ZNF793: variants seen among roughly 807,000 people sequenced by gnomAD.
ZNF793 encodes zinc finger protein 793.
A neutral mutation model predicts 12.4 loss-of-function variants in ZNF793; 5 were observed. That is an observed-to-expected ratio of 0.40 (90% CI 0.21 to 0.84). The LOEUF (loss-of-function observed/expected upper bound fraction) is 0.84. ZNF793 is among the 40% of genes least tolerant of loss of function. The probability of loss-of-function intolerance (pLI) is 0.35; values close to 1 mark genes in which losing one functional copy is unlikely to be tolerated. For missense variants in ZNF793, 456 were observed against 495.0 expected (o/e 0.92, Z 0.75); for synonymous variants, 162 against 172.4 (o/e 0.94, Z 0.47).
rs2042356487 is a variant in ZNF793 at position 37,519,160 on chromosome 19, G to A, written c.-275-1024G>A. Among the ~76,000 whole-genome samples, 4 of 152,254 alleles carry A rather than the reference G, an allele frequency of 2.6e-5. No homozygotes were observed. In the South Asian group the frequency reaches 8.3e-4, roughly 32 times the overall value. ...AGGTGCCTGTAGTCCCAGCTACTCG[G>A]GAGGCTGAGGCAGGAGAATGGCGTG... On this transcript the variant is annotated intron_variant, in intron 2 of 7. Transcript: ENST00000627814.
chr19:37,533,818 G>A (rs962179147), intron 7 of ZNF793: 11 of 344,940 alleles, frequency 3.2e-5, no homozygotes, highest in Non-Finnish European at 4.7e-5. Flanking sequence ...AGAGGAAGCA[G>A]TGAATTCCAT....
At chr19:37,520,133 GT>G (rs2042363933) in intron 2 of ZNF793, 50 bp from the exon 3 acceptor site, 1 of 152,716 alleles carries the variant, frequency 6.5e-6, no homozygotes, top group Non-Finnish European at 1.5e-5. Flanking sequence ...CCCAGGCAGT[GT>G]TTGGGGAAGG....
At chr19:37,536,144 G>C (rs73930999) in intron 7 of ZNF793, 15,174 of 267,146 alleles carry the variant, frequency 0.057, 649 homozygotes, top group African/African-American at 0.13. Flanking sequence ...AAGAACTCTT[G>C]CTTAAGTCCT....
chr19:37,523,533 T>C (rs1369952514), intron 5 of ZNF793, 79 bp downstream of exon 5: 7 of 1,389,196 alleles, frequency 5.0e-6, no homozygotes, highest in Admixed American at 1.7e-5. Flanking sequence ...GCATTGTAAG[T>C]ATGTACAGTT....
At chr19:37,531,880 G>A (rs950853774) in intron 5 of ZNF793, among the ~76,000 whole-genome samples, 2 of 152,154 alleles carry the variant, frequency 1.3e-5, no homozygotes, top group African/African-American at 4.8e-5. Context: ...GATGGCAATG[G>A]TAGATAGCTT....
chr19:37,519,222 T>C (rs1464542798), intron 2 of ZNF793, among the ~76,000 whole-genome samples: 2 of 152,102 alleles, frequency 1.3e-5, no homozygotes, highest in Non-Finnish European at 2.9e-5. Context: ...GCTGAGATCA[T>C]GCCACTGCAC....
chr19:37,511,018 G>A (rs767090525), intron 2 of ZNF793, among the ~76,000 whole-genome samples: 5 of 151,930 alleles, frequency 3.3e-5, no homozygotes, highest in Non-Finnish European at 7.4e-5. Flanking sequence ...TAAAAAAATT[G>A]AGGCATAATA....
rs1196551610 is a variant in ZNF793, at chr19:37,538,988, G to T, written c.*1109G>T. On this transcript the variant is annotated 3_prime_UTR_variant, in exon 8 of 8. Coordinates refer to ENST00000627814, the MANE Select transcript of ZNF793 (RefSeq NM_001013659.3). ...ACAACATGGCCCACTATTGTTAAAA[G>T]AACTTTATTATACCAGCTACATTTT... 1 of 152,126 alleles carries T rather than the reference G, an allele frequency of 6.6e-6. No individual in the cohort carries two copies. Among genetic ancestry groups the T allele is most frequent in the Non-Finnish European group, 1.5e-5 (1 of 68,004 alleles). The allele number at this position is 152,126 out of a possible 1,614,324, so 9.4% of individuals were successfully genotyped here. A position where few individuals can be genotyped will look rare whatever the true frequency, so the allele number is the denominator to read the frequency against.
At chr19:37,517,775 T>G (rs576207532) in intron 2 of ZNF793, among the ~76,000 whole-genome samples, 86 of 152,254 alleles carry the variant, frequency 5.6e-4, no homozygotes, top group Middle Eastern at 3.4e-3. Context: ...TTTTTTCTAT[T>G]TCTATCAGTT....
intron 5 of ZNF793, among the ~76,000 whole-genome samples, chr19:37,526,719 T>G (rs116749778): frequency 6.6e-6 from 1 of 152,170 alleles, no homozygotes; most frequent in Non-Finnish European, 1.5e-5. Context: ...CTACTACTGC[T>G]CAGGTGCTGC....
At chr19:37,516,282 G>A (rs1215574169) in intron 2 of ZNF793, among the ~76,000 whole-genome samples, 1 of 152,116 alleles carries the variant, frequency 6.6e-6, no homozygotes, top group Non-Finnish European at 1.5e-5. Flanking sequence ...TTACAGGCAT[G>A]TGCTGCTACA....
chr19:37,510,750 G>C (rs1290846325), intron 2 of ZNF793, among the ~76,000 whole-genome samples: 3 of 150,420 alleles, frequency 2.0e-5, no homozygotes, highest in Non-Finnish European at 4.4e-5. Flanking sequence ...AGGCTGGAGT[G>C]CAGTGGCACG....
chr19:37,529,207 A>T (rs1407747511), intron 5 of ZNF793, among the ~76,000 whole-genome samples: 1 of 152,148 alleles, frequency 6.6e-6, no homozygotes, highest in East Asian at 1.9e-4. Flanking sequence ...ATTTATGGGC[A>T]TATGTTTTGG....
At chr19:37,520,979 A>G (rs1210416617) in intron 3 of ZNF793, among the ~76,000 whole-genome samples, 1 of 149,600 alleles carries the variant, frequency 6.7e-6, no homozygotes, top group Non-Finnish European at 1.5e-5. Context: ...ATGCACCACC[A>G]TGCCCGGCTA....
chr19:37,525,633 C>T (rs1345545560), intron 5 of ZNF793, among the ~76,000 whole-genome samples: 4 of 131,442 alleles, frequency 3.0e-5, no homozygotes, highest in Non-Finnish European at 4.9e-5. Flanking sequence ...GACAGGGTTT[C>T]GATGGTCTCG....
chr19:37,525,295 T>C (rs1017316387), intron 5 of ZNF793, among the ~76,000 whole-genome samples: 4 of 146,374 alleles, frequency 2.7e-5, no homozygotes, highest in African/African-American at 7.6e-5. Flanking sequence ...CCTGCCACCA[T>C]GCCCGGCTAA....
At position 37,523,091 on chromosome 19, in the gene ZNF793, G is replaced by A. The variant is rs991321554; in HGVS notation, c.-30-319G>A. Among the ~76,000 whole-genome samples, 6 of 152,252 alleles carry A rather than the reference G, an allele frequency of 3.9e-5. No individual in the cohort carries two copies. In the South Asian group the frequency reaches 1.2e-3, roughly 32 times the overall value. ...GGCCAGATTGCAGTAGTGGGATCAT[G>A]GCTCACTGCAGCTTTGACCTCCTAG... On this transcript the variant is annotated intron_variant, in intron 4 of 7. Transcript: ENST00000627814.
Position 37,542,458 on chromosome 19 carries a change from C to T in ZNF793, c.*4579C>T, listed in dbSNP as rs1246763610. 1 of 415,364 alleles carries T rather than the reference C, an allele frequency of 2.4e-6. No individual in the cohort carries two copies. Among genetic ancestry groups the T allele is most frequent in the African/African-American group, 2.1e-5 (1 of 48,730 alleles). The allele number at this position is 415,364 out of a possible 1,614,324, so 25.7% of individuals were successfully genotyped here. A position where few individuals can be genotyped will look rare whatever the true frequency, so the allele number is the denominator to read the frequency against. ...TATTTATGTCACTTTGGAGAATCTT[C>T]CCTTAGAAGTAAAAGCTCCAATACA... On this transcript the variant is annotated 3_prime_UTR_variant, in exon 8 of 8. Coordinates refer to ENST00000627814, the MANE Select transcript of ZNF793 (RefSeq NM_001013659.3).
chr19:37,533,418 T>C lies in ZNF793; in HGVS notation c.238+15T>C. The C allele has an allele frequency of 6.2e-7, 1 of 1,612,046 alleles. No individual in the cohort carries two copies. Among genetic ancestry groups the C allele is most frequent in the African/African-American group, 1.3e-5 (1 of 74,988 alleles). On this transcript the variant is annotated intron_variant, in intron 7 of 7. Coordinates refer to ENST00000627814, the MANE Select transcript of ZNF793 (RefSeq NM_001013659.3). ...CCACTGTTGGGGTAAGTGTGATAAA[T>C]CTAGCAAAAGGGGTACTGAAGGAGG...
Sources: gnomAD v4.1 joint callset for allele counts (sites outside exome capture counted in the v4.1 genomes callset) on GRCh38, gnomAD v4.1.1 for gene constraint, MANE v1.5 for transcripts, NCBI Gene and HGNC (gene_info 2026-07-23, HGNC 2026-07-21) for gene names.